SCN8A: variants seen among roughly 807,000 people sequenced by gnomAD.
The protein encoded by SCN8A is sodium channel protein type 8 subunit alpha.
SCN8A carries 30 observed loss-of-function variants against 184.1 expected under a neutral mutation model. The ratio of observed to expected loss-of-function variants is 0.16; its 90% confidence interval spans 0.12 to 0.22. The LOEUF (loss-of-function observed/expected upper bound fraction) is 0.22. Among genes scored for constraint, SCN8A ranks in the 10% least tolerant of loss-of-function variants. The probability of loss-of-function intolerance (pLI) is 1.00; values close to 1 mark genes in which losing one functional copy is unlikely to be tolerated. For missense variants in SCN8A, 1,057 were observed against 2,498.9 expected (o/e 0.42, Z 12.30); for synonymous variants, 852 against 907.0 (o/e 0.94, Z 1.09).
chr12:51,747,085 GTGTA>G (rs201054894), intron 13 of SCN8A, among the ~76,000 whole-genome samples: 12,637 of 93,700 alleles, frequency 0.13, 706 homozygotes, highest in Middle Eastern at 0.17. Flanking sequence ...TCTACTCTGT[GTGTA>G]TGTGTGTGTG....
Position 51,810,295 on chromosome 12 carries a change from G to T in SCN8A, c.*2866G>T. On this transcript the variant is annotated 3_prime_UTR_variant, in exon 27 of 27. Transcript: ENST00000627620. ...CCCACCTTTTTATCCTTCACCCACTGTCCTTCCACCTGCTCACTCACTCAC... is the reference window on the plus strand; with the variant it reads ...CCCACCTTTTTATCCTTCACCCACTTTCCTTCCACCTGCTCACTCACTCAC... 1 of 272,388 alleles carries T rather than the reference G, an allele frequency of 3.7e-6. No homozygotes were observed. The highest frequency in any genetic ancestry group is 7.7e-6 in the Non-Finnish European group (1 of 130,042). 16.9% of individuals were successfully genotyped at this position (272,388 alleles called of 1,614,324 possible).
intron 1 of SCN8A, among the ~76,000 whole-genome samples, chr12:51,653,787 G>A (rs1326694056): frequency 6.6e-6 from 1 of 152,200 alleles, no homozygotes; most frequent in Non-Finnish European, 1.5e-5. Context: ...ACCACCAGCA[G>A]AGCACTAGAG....
chr12:51,683,429 A>G (rs1176748138), intron 2 of SCN8A, among the ~76,000 whole-genome samples: 1 of 152,234 alleles, frequency 6.6e-6, no homozygotes. Flanking sequence ...TATTTTGGCA[A>G]GGCTGATATT....
intron 14 of SCN8A, among the ~76,000 whole-genome samples, chr12:51,757,246 A>G (rs1026420277): frequency 1.3e-5 from 2 of 152,212 alleles, no homozygotes; most frequent in African/African-American, 4.8e-5. Flanking sequence ...AAAAGTGGCA[A>G]ACCAGGATGA....
intron 1 of SCN8A, among the ~76,000 whole-genome samples, chr12:51,635,156 T>C (rs1940287906): frequency 6.6e-6 from 1 of 152,244 alleles, no homozygotes; most frequent in African/African-American, 2.4e-5. Flanking sequence ...CCGTTTATCT[T>C]ATTCCTAGGA....
At chr12:51,783,175 T>C (rs1335438349) in intron 21 of SCN8A, among the ~76,000 whole-genome samples, 1 of 152,190 alleles carries the variant, frequency 6.6e-6, no homozygotes, top group Non-Finnish European at 1.5e-5. Flanking sequence ...GCCCTGTGGG[T>C]TTCCTAGCCC....
intron 1 of SCN8A, among the ~76,000 whole-genome samples, chr12:51,616,608 C>G (rs1565860632): frequency 6.6e-6 from 1 of 151,978 alleles, no homozygotes; most frequent in African/African-American, 2.4e-5. Flanking sequence ...GAAACTGTCT[C>G]CAAACAAACA....
intron 26 of SCN8A, among the ~76,000 whole-genome samples, chr12:51,804,419 C>T (rs1012215684): frequency 2.0e-5 from 3 of 151,134 alleles, no homozygotes; most frequent in East Asian, 1.9e-4. Context: ...CCCAGGCTCA[C>T]GCAATTCTCC....
intron 25 of SCN8A, among the ~76,000 whole-genome samples, chr12:51,793,341 A>G (rs951701936): frequency 2.0e-5 from 3 of 151,974 alleles, no homozygotes; most frequent in Non-Finnish European, 1.5e-5. Flanking sequence ...TTGAGATGAG[A>G]GGAACAAGCT....
At chr12:51,746,431 A>G (rs1565908921) in intron 13 of SCN8A, among the ~76,000 whole-genome samples, 1 of 152,132 alleles carries the variant, frequency 6.6e-6, no homozygotes, top group South Asian at 2.1e-4. Context: ...ACCCCAAAAC[A>G]TACCTTCCTT....
rs573292201 is a variant in SCN8A at position 51,644,662 on chromosome 12, C to T, written c.-54-18102C>T. On this transcript the variant is annotated intron_variant, in intron 1 of 26. Coordinates refer to ENST00000627620, the MANE Select transcript of SCN8A (RefSeq NM_001330260.2). Reference sequence around the variant, plus strand: ...AGCCTCTGCCCGGCCGCCACCCCGTCTGGGAAGTGAGGAGCGTCTCCGCCT... The same window carrying T: ...AGCCTCTGCCCGGCCGCCACCCCGTTTGGGAAGTGAGGAGCGTCTCCGCCT... 2.0e-5 allele frequency among the ~76,000 whole-genome samples: 3 copies of T among 151,768 alleles called. No individual in the cohort carries two copies. In the South Asian group the frequency reaches 6.3e-4, roughly 32 times the overall value.
intron 1 of SCN8A, among the ~76,000 whole-genome samples, chr12:51,620,279 A>T (rs1171337555): frequency 6.6e-6 from 1 of 152,176 alleles, no homozygotes; most frequent in Non-Finnish European, 1.5e-5. Context: ...AAAGTTTTTC[A>T]TGTTTACTTG....
chr12:51,792,896 C>G (rs1018373564), intron 25 of SCN8A, among the ~76,000 whole-genome samples: 3 of 152,088 alleles, frequency 2.0e-5, no homozygotes, highest in Admixed American at 6.5e-5. Flanking sequence ...GCGCCTGCCA[C>G]CATGCCCGGC....
rs144042773 is a variant in SCN8A at position 51,662,001 on chromosome 12, G to A, written c.-54-763G>A. On this transcript the variant is annotated intron_variant, in intron 1 of 26. Transcript: ENST00000627620. ...TTTGAGCCCCTCTCAGGAGTCGCACGCAGGCCCTTCTGCTGCTGCTCTGCC... is the reference window on the plus strand; with the variant it reads ...TTTGAGCCCCTCTCAGGAGTCGCACACAGGCCCTTCTGCTGCTGCTCTGCC... 3.5e-3 allele frequency among the ~76,000 whole-genome samples: 529 copies of A among 152,312 alleles called. 2 individuals are homozygous for A. Among genetic ancestry groups the A allele is most frequent in the African/African-American group, 0.012 (497 of 41,568 alleles).
At chr12:51,652,477 A>G (rs1224794524) in intron 1 of SCN8A, among the ~76,000 whole-genome samples, 2 of 152,140 alleles carry the variant, frequency 1.3e-5, no homozygotes, top group Non-Finnish European at 2.9e-5. Context: ...AGCTTTCATT[A>G]TCTCCTTATT....
intron 12 of SCN8A, among the ~76,000 whole-genome samples, chr12:51,744,278 G>A (rs796397335): frequency 8.5e-5 from 13 of 152,278 alleles, no homozygotes; most frequent in African/African-American, 1.7e-4. Flanking sequence ...ATTCCAGCCC[G>A]AGCGACAGAG....
intron 1 of SCN8A, among the ~76,000 whole-genome samples, chr12:51,603,678 T>G (rs976143644): frequency 2.0e-5 from 3 of 152,202 alleles, no homozygotes; most frequent in Non-Finnish European, 4.4e-5. Flanking sequence ...CAGCAGCATA[T>G]GCGAGTTCAG....
intron 1 of SCN8A, among the ~76,000 whole-genome samples, chr12:51,617,607 T>A (rs1939868977): frequency 6.6e-6 from 1 of 152,226 alleles, no homozygotes; most frequent in South Asian, 2.1e-4. Flanking sequence ...GTTGATTGTC[T>A]TTTTCCTTGT....
rs753350858 is a variant in SCN8A at position 51,702,928 on chromosome 12, C to G, written c.1134+14C>G. On this transcript the variant is annotated intron_variant, in intron 9 of 26. Coordinates refer to ENST00000627620, the MANE Select transcript of SCN8A (RefSeq NM_001330260.2). ...TTGTATCAATTGGTGAGTAATACCTCTTTTCCTTTGGCCATAGAGTTTGCA... is the reference window on the plus strand; with the variant it reads ...TTGTATCAATTGGTGAGTAATACCTGTTTTCCTTTGGCCATAGAGTTTGCA... 3 of 1,583,690 alleles carry G rather than the reference C, an allele frequency of 1.9e-6. No homozygotes were observed. The highest frequency in any genetic ancestry group is 2.6e-6 in the Non-Finnish European group (3 of 1,163,098).
Sources: gnomAD v4.1 joint callset for allele counts (sites outside exome capture counted in the v4.1 genomes callset) on GRCh38, gnomAD v4.1.1 for gene constraint, MANE v1.5 for transcripts, NCBI Gene and HGNC (gene_info 2026-07-23, HGNC 2026-07-21) for gene names.